KLF12: variants seen among roughly 807,000 people sequenced by gnomAD.
KLF12 encodes the protein KLF transcription factor 12.
KLF12 carries 9 observed loss-of-function variants against 37.8 expected under a neutral mutation model. The ratio of observed to expected loss-of-function variants is 0.24; its 90% CI spans 0.14 to 0.42. The LOEUF is 0.42. Ranked by LOEUF, KLF12 falls within the 10% of genes least tolerant of loss-of-function variation. KLF12 has a pLI of 1.00. For synonymous variants in KLF12, 208 were observed against 202.1 expected, an observed-to-expected ratio of 1.03 and a Z score of -0.25; for missense variants, 411 against 516.0, an observed-to-expected ratio of 0.80 and a Z score of 1.97.
In KLF12 at chr13:74,087,302, T is replaced by C. The variant is rs111695191; in HGVS notation, c.-32+46437A>G. ...GACACAGGTCCTCTGTCAGAAGTTA[T>C]ATAGGTCAGAGACAAGACAGAAGGG... On this transcript the variant is annotated intron_variant, in intron 1 of 7. Coordinates refer to ENST00000377669, the MANE Select transcript of KLF12 (RefSeq NM_007249.5). Among the ~76,000 whole-genome samples, 3 of 152,182 alleles carry C rather than the reference T, an allele frequency of 2.0e-5. No individual in the cohort carries two copies. In the East Asian group the frequency reaches 5.8e-4, roughly 29 times the overall value.
At chr13:73,914,454 G>A (rs1032507716) in intron 3 of KLF12, among the ~76,000 whole-genome samples, 2 of 152,180 alleles carry the variant, frequency 1.3e-5, no homozygotes, top group African/African-American at 4.8e-5. Flanking sequence ...ACACATAGCA[G>A]GCACTCAAAT....
intron 1 of KLF12, among the ~76,000 whole-genome samples, chr13:74,002,427 T>C (rs1320442089): frequency 6.6e-6 from 1 of 152,224 alleles, no homozygotes; most frequent in East Asian, 1.9e-4. Flanking sequence ...CAGACTACAG[T>C]GCAGTAGCAC....
At chr13:74,233,315 T>A in the KLF12 span, among the ~76,000 whole-genome samples, 2 of 152,158 alleles carry the variant, frequency 1.3e-5, no homozygotes, top group East Asian at 3.8e-4. Flanking sequence ...GATTCCATGG[T>A]CCAGCAGCCC....
the KLF12 span, among the ~76,000 whole-genome samples, chr13:74,193,765 C>T: frequency 6.6e-6 from 1 of 152,198 alleles, no homozygotes; most frequent in Non-Finnish European, 1.5e-5. Context: ...CTCTCAGCAA[C>T]TTCCTCTCTG....
intron 5 of KLF12, among the ~76,000 whole-genome samples, chr13:73,794,580 T>C (rs1476320897): frequency 1.3e-5 from 2 of 152,206 alleles, no homozygotes; most frequent in Non-Finnish European, 2.9e-5. Context: ...TATATTACAG[T>C]TGAAACACAG....
the KLF12 span, among the ~76,000 whole-genome samples, chr13:74,239,229 T>G: frequency 6.6e-5 from 10 of 152,056 alleles, no homozygotes; most frequent in African/African-American, 1.9e-4. Context: ...AGGTTGTTCA[T>G]TTTCCATGTA....
At chr13:73,711,590 A>G (rs1341268787) in intron 7 of KLF12, among the ~76,000 whole-genome samples, 2 of 152,170 alleles carry the variant, frequency 1.3e-5, no homozygotes, top group African/African-American at 2.4e-5. Context: ...GAATGTTTTA[A>G]GCCCACTGTT....
chr13:74,151,645 C>T, the KLF12 span, among the ~76,000 whole-genome samples: 1 of 143,000 alleles, frequency 7.0e-6, no homozygotes. Flanking sequence ...GGAGTGAGAC[C>T]CCATCTCAAT....
intron 1 of KLF12, among the ~76,000 whole-genome samples, chr13:74,035,296 T>C (rs1893219403): frequency 6.6e-6 from 1 of 152,228 alleles, no homozygotes; most frequent in Non-Finnish European, 1.5e-5. Context: ...GTGCTGTATT[T>C]TTAAATTTAT....
At chr13:73,955,999 A>G (rs1890819709) in intron 2 of KLF12, among the ~76,000 whole-genome samples, 1 of 152,206 alleles carries the variant, frequency 6.6e-6, no homozygotes, top group African/African-American at 2.4e-5. Context: ...ATGTACATGC[A>G]TGTACATAAA....
chr13:74,015,565 G>A (rs1054289364), intron 1 of KLF12, among the ~76,000 whole-genome samples: 17 of 152,048 alleles, frequency 1.1e-4, no homozygotes, highest in African/African-American at 4.1e-4. Context: ...ATAATAAAAA[G>A]TCTTAAAATA....
At chr13:73,700,893 A>G (rs1874507817) in intron 7 of KLF12, among the ~76,000 whole-genome samples, 2 of 152,212 alleles carry the variant, frequency 1.3e-5, no homozygotes, top group Admixed American at 1.3e-4. Context: ...TAAAGCACAC[A>G]ATCTTATAAA....
the KLF12 span, among the ~76,000 whole-genome samples, chr13:74,227,386 A>G: frequency 6.6e-6 from 1 of 152,142 alleles, no homozygotes; most frequent in African/African-American, 2.4e-5. Flanking sequence ...TGTCTTGTTC[A>G]TTTTTGTATC....
intron 2 of KLF12, among the ~76,000 whole-genome samples, chr13:73,973,500 A>G (rs9543502): frequency 0.35 from 52,704 of 152,038 alleles, 11,062 homozygotes; most frequent in East Asian, 0.58. Context: ...CTTTTCCAGA[A>G]TAAGTCCCAT....
chr13:74,022,985 C>T lies in KLF12; in HGVS notation c.-31-27932G>A, dbSNP rs140603608. 8.0e-3 allele frequency among the ~76,000 whole-genome samples: 1,206 copies of T among 151,272 alleles called. 22 individuals carry two copies. Among genetic ancestry groups the T allele is most frequent in the African/African-American group, 0.028 (1,152 of 41,204 alleles). On this transcript the variant is annotated intron_variant, in intron 1 of 7. Coordinates refer to ENST00000377669, the MANE Select transcript of KLF12 (RefSeq NM_007249.5). ...CTAACCTCTGGTGTTGGGGCTCACG[C>T]ATCAGTAAGTTTCAGAAGCCAACAA...
rs576541408 is a variant in KLF12 at position 73,866,163 on chromosome 13, G to A, written c.124-19790C>T. On this transcript the variant is annotated intron_variant, in intron 3 of 7. Transcript: ENST00000377669. ...CCAGCTACTCGGGAGGCTGAGGTGT[G>A]AGAATCTCTTGAACCTGGAAGGCAG... Among the ~76,000 whole-genome samples, 97 of 152,294 alleles carry A rather than the reference G, an allele frequency of 6.4e-4. 1 individual carries two copies. The highest frequency in any genetic ancestry group is 2.3e-3 in the African/African-American group (94 of 41,560).
intron 3 of KLF12, among the ~76,000 whole-genome samples, chr13:73,876,322 C>T (rs1181557829): frequency 2.6e-5 from 4 of 152,162 alleles, no homozygotes; most frequent in African/African-American, 9.7e-5. Context: ...TTAGTGGCTA[C>T]TCTCAGGTCC....
At chr13:74,045,690 C>T (rs1449529694) in intron 1 of KLF12, among the ~76,000 whole-genome samples, 2 of 152,058 alleles carry the variant, frequency 1.3e-5, no homozygotes, top group African/African-American at 4.8e-5. Context: ...TGCATGTTCT[C>T]CCACGTATTT....
chr13:73,870,317 C>T (rs551580160), intron 3 of KLF12, among the ~76,000 whole-genome samples: 56 of 152,294 alleles, frequency 3.7e-4, no homozygotes, highest in African/African-American at 1.3e-3. Flanking sequence ...TGCCCATATA[C>T]TATGCTGCAA....
Sources: gnomAD v4.1 joint callset for allele counts (sites outside exome capture counted in the v4.1 genomes callset) on GRCh38, gnomAD v4.1.1 for gene constraint, MANE v1.5 for transcripts, NCBI Gene and HGNC (gene_info 2026-07-23, HGNC 2026-07-21) for gene names.